GPC5: variants seen among roughly 807,000 people sequenced by gnomAD.
GPC5 encodes glypican-5.
GPC5 carries 47 observed loss-of-function variants against 53.9 expected under a neutral mutation model. The ratio of observed to expected loss-of-function variants is 0.87; its 90% CI spans 0.69 to 1.11. GPC5 has a LOEUF of 1.11. Among genes scored for constraint, GPC5 ranks in the 50% most tolerant of loss-of-function variants. The pLI, the probability that GPC5 is intolerant of heterozygous loss-of-function variation, is 0.00. For synonymous variants in GPC5, 286 were observed against 263.3 expected (o/e 1.09, Z -0.84); for missense variants, 748 against 713.1 (o/e 1.05, Z -0.56).
At chr13:92,197,593 G>T (rs1300504738) in intron 7 of GPC5, among the ~76,000 whole-genome samples, 8 of 151,870 alleles carry the variant, frequency 5.3e-5, no homozygotes, top group East Asian at 1.9e-4. Context: ...AACCCCCAAG[G>T]CTCAAGAGAT....
chr13:91,615,756 C>T (rs2139334632), intron 2 of GPC5, among the ~76,000 whole-genome samples: 1 of 152,246 alleles, frequency 6.6e-6, no homozygotes, highest in East Asian at 1.9e-4. Flanking sequence ...CCCCTTTACT[C>T]AATACAGTTC....
At chr13:91,663,148 T>C (rs1474921032) in intron 2 of GPC5, among the ~76,000 whole-genome samples, 1 of 152,226 alleles carries the variant, frequency 6.6e-6, no homozygotes, top group African/African-American at 2.4e-5. Context: ...TTCTCTCCAG[T>C]ACTTAGTTCA....
At chr13:92,205,424 C>T (rs1489771065) in intron 7 of GPC5, among the ~76,000 whole-genome samples, 1 of 152,096 alleles carries the variant, frequency 6.6e-6, no homozygotes, top group Non-Finnish European at 1.5e-5. Flanking sequence ...CAGGAGTCAC[C>T]TCATTAGCAT....
chr13:91,720,295 C>T (rs928569801), intron 3 of GPC5, among the ~76,000 whole-genome samples: 2 of 152,198 alleles, frequency 1.3e-5, no homozygotes, highest in African/African-American at 4.8e-5. Flanking sequence ...CTACACTTTC[C>T]ACGAATCACT....
At chr13:92,394,269 T>G (rs1371272314) in intron 7 of GPC5, among the ~76,000 whole-genome samples, 1 of 152,136 alleles carries the variant, frequency 6.6e-6, no homozygotes, top group African/African-American at 2.4e-5. Flanking sequence ...TATACATATT[T>G]TGTGTGTGTG....
chr13:92,467,030 G>C (rs116888405), intron 7 of GPC5, among the ~76,000 whole-genome samples: 4 of 152,086 alleles, frequency 2.6e-5, no homozygotes, highest in Non-Finnish European at 5.9e-5. Flanking sequence ...ATAAAAGCTG[G>C]AGAAACGAGG....
chr13:92,522,188 A>T (rs1338820126), intron 7 of GPC5, among the ~76,000 whole-genome samples: 2 of 152,202 alleles, frequency 1.3e-5, no homozygotes, highest in Non-Finnish European at 2.9e-5. Flanking sequence ...AACTAGTTCA[A>T]CCATTGCGGA....
rs1885229272 is a variant in GPC5, at chr13:91,511,555, T to A, written c.325+62633T>A. Among the ~76,000 whole-genome samples the A allele has an allele frequency of 2.0e-5, 3 of 152,162 alleles. No homozygotes were observed. The South Asian group carries it at 6.2e-4, about 31-fold the overall frequency. ...ATCTTCCTCCCCACTCCCCCAGCAT[T>A]GTTTTCTTCTTTGAGTTTCAGCGCG... On this transcript the variant is annotated intron_variant, in intron 2 of 7. Coordinates refer to ENST00000377067, the MANE Select transcript of GPC5 (RefSeq NM_004466.6).
At chr13:91,826,558 G>T (rs1434737550) in intron 5 of GPC5, among the ~76,000 whole-genome samples, 1 of 151,926 alleles carries the variant, frequency 6.6e-6, no homozygotes, top group Non-Finnish European at 1.5e-5. Context: ...AATCTATATG[G>T]ACATATGGAA....
At chr13:91,555,829 C>T (rs1160798450) in intron 2 of GPC5, among the ~76,000 whole-genome samples, 1 of 152,016 alleles carries the variant, frequency 6.6e-6, no homozygotes, top group Admixed American at 6.6e-5. Flanking sequence ...CCTTATAAAA[C>T]CATCAAATCT....
In GPC5 at chr13:91,404,093, C is replaced by T. The variant is rs879692249; in HGVS notation, c.163+4884C>T. Among the ~76,000 whole-genome samples the T allele has an allele frequency of 1.4e-4, 21 of 152,182 alleles. 1 individual carries two copies. The highest frequency in any genetic ancestry group is 1.2e-3 in the Admixed American group (19 of 15,272). On this transcript the variant is annotated intron_variant, in intron 1 of 7. Transcript: ENST00000377067. ...CAATCCCTATTATTTTTCCTTGTTTCCAGCCTGTTAAGGCTTTCCGGAAGA... is the reference window on the plus strand; with the variant it reads ...CAATCCCTATTATTTTTCCTTGTTTTCAGCCTGTTAAGGCTTTCCGGAAGA...
intron 7 of GPC5, among the ~76,000 whole-genome samples, chr13:92,331,382 T>A (rs930276153): frequency 5.3e-5 from 8 of 152,184 alleles, no homozygotes; most frequent in African/African-American, 1.9e-4. Flanking sequence ...TGTCTCTGGA[T>A]CCTTTGTCAC....
intron 2 of GPC5, among the ~76,000 whole-genome samples, chr13:91,684,139 T>G (rs1308352236): frequency 1.3e-5 from 2 of 152,158 alleles, no homozygotes; most frequent in African/African-American, 4.8e-5. Flanking sequence ...TTCTTTTTAC[T>G]TCACTGGCTT....
At chr13:92,252,712 A>T (rs1447235368) in intron 7 of GPC5, among the ~76,000 whole-genome samples, 4 of 152,150 alleles carry the variant, frequency 2.6e-5, no homozygotes, top group Non-Finnish European at 5.9e-5. Flanking sequence ...AGATATTTTT[A>T]AAAATGGAAA....
chr13:91,436,524 T>C (rs1242587699), intron 1 of GPC5, among the ~76,000 whole-genome samples: 1 of 152,266 alleles, frequency 6.6e-6, no homozygotes, highest in African/African-American at 2.4e-5. Context: ...TCCTGAGTTC[T>C]AGTTTGATTG....
chr13:92,802,617 G>A (rs557505399), intron 7 of GPC5, among the ~76,000 whole-genome samples: 1 of 151,748 alleles, frequency 6.6e-6, no homozygotes, highest in African/African-American at 2.4e-5. Context: ...ACTATGCTGA[G>A]AATGATGGTT....
At chr13:92,371,081 C>T (rs993733316) in intron 7 of GPC5, among the ~76,000 whole-genome samples, 2 of 152,048 alleles carry the variant, frequency 1.3e-5, no homozygotes, top group African/African-American at 2.4e-5. Flanking sequence ...ACCCAGGAGG[C>T]GGAAGTTGCA....
At chr13:91,963,502 G>A (rs533716600) in intron 6 of GPC5, among the ~76,000 whole-genome samples, 2 of 152,230 alleles carry the variant, frequency 1.3e-5, no homozygotes, top group Admixed American at 1.3e-4. Context: ...CATTTGTTTT[G>A]GAAGGCCTGA....
chr13:91,999,176 A>T (rs932634060), intron 6 of GPC5, among the ~76,000 whole-genome samples: 1 of 149,932 alleles, frequency 6.7e-6, no homozygotes, highest in Non-Finnish European at 1.5e-5. Context: ...TTTATGAAGA[A>T]TTCTATCTTC....
Sources: allele counts gnomAD v4.1 joint callset (sites outside exome capture counted in the v4.1 genomes callset), GRCh38; gene constraint gnomAD v4.1.1; transcripts MANE v1.5; gene names NCBI Gene and HGNC (gene_info 2026-07-23, HGNC 2026-07-21).